The following GRIN2A variants were observed in gnomAD, a reference collection of about 807,000 sequenced individuals.
The protein encoded by GRIN2A is glutamate receptor ionotropic, NMDA 2A.
GRIN2A carries 22 observed loss-of-function variants against 113.4 expected under a neutral mutation model. The ratio of observed to expected loss-of-function variants is 0.19; its 90% confidence interval spans 0.14 to 0.28. The LOEUF (loss-of-function observed/expected upper bound fraction) is 0.28. GRIN2A is among the 10% of genes least tolerant of loss of function. The pLI, the probability that GRIN2A is intolerant of heterozygous loss-of-function variation, is 1.00. For synonymous variants in GRIN2A, 827 were observed against 738.4 expected, an observed-to-expected ratio of 1.12 and a Z score of -1.94; for missense variants, 1,502 against 1,887.0, an observed-to-expected ratio of 0.80 and a Z score of 3.78.
intron 2 of GRIN2A, among the ~76,000 whole-genome samples, chr16:10,167,295 C>G (rs1345009239): frequency 6.6e-6 from 1 of 152,208 alleles, no homozygotes; most frequent in Admixed American, 6.5e-5. Context: ...CAACTCCCCC[C>G]AAAATCACCC....
At chr16:10,015,760 C>T (rs921869207) in intron 2 of GRIN2A, among the ~76,000 whole-genome samples, 2 of 152,142 alleles carry the variant, frequency 1.3e-5, no homozygotes, top group Non-Finnish European at 2.9e-5. Flanking sequence ...CAGGGAGGTG[C>T]AACAACTCAG....
chr16:9,839,463 T>C (rs1305328764), intron 7 of GRIN2A, among the ~76,000 whole-genome samples: 3 of 152,206 alleles, frequency 2.0e-5, no homozygotes, highest in African/African-American at 7.2e-5. Flanking sequence ...ACAAACTATT[T>C]GGCTTAATGG....
chr16:9,975,619 G>A (rs1442555817), intron 2 of GRIN2A, among the ~76,000 whole-genome samples: 1 of 152,168 alleles, frequency 6.6e-6, no homozygotes, highest in Non-Finnish European at 1.5e-5. Flanking sequence ...AGGGAGAAGA[G>A]AGACATGAAA....
intron 2 of GRIN2A, among the ~76,000 whole-genome samples, chr16:9,969,482 A>G (rs16966757): frequency 0.26 from 39,195 of 151,994 alleles, 5,401 homozygotes; most frequent in African/African-American, 0.35. Context: ...ATATATGCCA[A>G]TGCCTTCCAA....
intron 11 of GRIN2A, among the ~76,000 whole-genome samples, chr16:9,782,374 T>C (rs558447586): frequency 6.6e-6 from 1 of 152,346 alleles, no homozygotes. Context: ...CCACAGATTT[T>C]GGTGTCTGTA....
chr16:10,105,857 AG>A (rs1387775842), intron 2 of GRIN2A, among the ~76,000 whole-genome samples: 2 of 152,234 alleles, frequency 1.3e-5, no homozygotes, highest in Non-Finnish European at 2.9e-5. Context: ...CAGACAGCTA[AG>A]ATCGTGCCAC....
At chr16:10,088,064 C>G (rs1296991240) in intron 2 of GRIN2A, among the ~76,000 whole-genome samples, 1 of 152,126 alleles carries the variant, frequency 6.6e-6, no homozygotes, top group East Asian at 1.9e-4. Context: ...GGTTCTCACC[C>G]TTTTGGAGAC....
rs946868595 is a variant in GRIN2A at position 9,840,831 on chromosome 16, AAAGAGAG to A, written c.1498-38_1498-32del. On this transcript the variant is annotated intron_variant, in intron 6 of 12. Transcript: ENST00000330684. Reference sequence around the variant, plus strand: ...TGCAAGGCAAAAAAAAAAAAAAAAAAAAGAGAGAGAGAGAACAACAGTACTTTACTTT... The same window carrying A: ...TGCAAGGCAAAAAAAAAAAAAAAAAAAGAGAGAACAACAGTACTTTACTTT... 1.4e-5 allele frequency: 17 copies of A among 1,217,952 alleles called. No individual in the cohort carries two copies. In the African/African-American group the frequency reaches 3.1e-4, roughly 22 times the overall value. The allele number at this position is 1,217,952 out of a possible 1,614,324, so 75.4% of individuals were successfully genotyped here.
chr16:10,131,784 C>A (rs1252430226), intron 2 of GRIN2A, among the ~76,000 whole-genome samples: 1 of 152,130 alleles, frequency 6.6e-6, no homozygotes. Flanking sequence ...TGCCCCTGAC[C>A]CACCATGGAT....
chr16:10,111,921 G>T (rs183697651), intron 2 of GRIN2A: 3 of 793,674 alleles, frequency 3.8e-6, no homozygotes, highest in Non-Finnish European at 4.4e-6. Flanking sequence ...AGGTGATGAC[G>T]CCAAGGATCA....
At position 10,051,426 on chromosome 16, in the gene GRIN2A, C is replaced by T. The variant is rs1035068285; in HGVS notation, c.415-112875G>A. Among the ~76,000 whole-genome samples the T allele has an allele frequency of 1.5e-4, 23 of 152,248 alleles. No homozygotes were observed. The East Asian group carries it at 2.9e-3, about 19-fold the overall frequency. On this transcript the variant is annotated intron_variant, in intron 2 of 12. Coordinates refer to ENST00000330684, the MANE Select transcript of GRIN2A (RefSeq NM_001134407.3). ...AAAACTCCATGGGTGCAGGGCATTGCCTTTTCACAGGAGTATCCCCAGAGC... is the reference window on the plus strand; with the variant it reads ...AAAACTCCATGGGTGCAGGGCATTGTCTTTTCACAGGAGTATCCCCAGAGC...
chr16:10,055,093 GAAAGAAAGAAAGAAAAAAGA>G (rs2047431992), intron 2 of GRIN2A, among the ~76,000 whole-genome samples: 7 of 46,334 alleles, frequency 1.5e-4, no homozygotes, highest in Admixed American at 5.5e-4. Flanking sequence ...AAAGAAAAAA[GAAAGAAAGAAAGAAAAAAGA>G]AAAAAAAAAC....
intron 4 of GRIN2A, among the ~76,000 whole-genome samples, chr16:9,865,894 A>G (rs2043153005): frequency 2.0e-5 from 3 of 152,234 alleles, no homozygotes; most frequent in Non-Finnish European, 2.9e-5. Context: ...ATAAAATTAT[A>G]TAAGATTTGA....
chr16:9,964,200 C>T (rs963142493), intron 2 of GRIN2A, among the ~76,000 whole-genome samples: 19 of 152,144 alleles, frequency 1.2e-4, no homozygotes, highest in African/African-American at 4.6e-4. Flanking sequence ...TGAAGGGAAT[C>T]GTCAAATATC....
rs969949433 is a variant in GRIN2A, at chr16:9,759,953, G to A, written c.*3196C>T. ...AGTATTTTAAATTGGTTGCATGTGC[G>A]TGCTATTACCCATGGACAGAGACCC... On this transcript the variant is annotated 3_prime_UTR_variant, in exon 13 of 13. Transcript: ENST00000330684. 3.5e-5 allele frequency: 8 copies of A among 231,044 alleles called. No homozygotes were observed. Among genetic ancestry groups the A allele is most frequent in the Admixed American group, 1.7e-4 (3 of 17,720 alleles). The allele number at this position is 231,044 out of a possible 1,614,324, so 14.3% of individuals were successfully genotyped here.
chr16:10,062,795 G>T (rs2047570754), intron 2 of GRIN2A, among the ~76,000 whole-genome samples: 1 of 152,032 alleles, frequency 6.6e-6, no homozygotes, highest in Non-Finnish European at 1.5e-5. Flanking sequence ...AACCTGGGAG[G>T]CAGAGGTTGC....
intron 5 of GRIN2A, among the ~76,000 whole-genome samples, chr16:9,843,929 T>C (rs2042727110): frequency 6.6e-6 from 1 of 152,216 alleles, no homozygotes; most frequent in Non-Finnish European, 1.5e-5. Context: ...TGATGGAATG[T>C]CCAGATACCA....
intron 3 of GRIN2A, among the ~76,000 whole-genome samples, chr16:9,931,318 G>T (rs1346968201): frequency 5.3e-5 from 8 of 152,072 alleles, no homozygotes; most frequent in Non-Finnish European, 8.8e-5. Context: ...TAATGATGAT[G>T]ATGACCACAA....
chr16:9,838,095 G>A (rs1714828045), intron 7 of GRIN2A, among the ~76,000 whole-genome samples: 1 of 152,186 alleles, frequency 6.6e-6, no homozygotes, highest in Non-Finnish European at 1.5e-5. Flanking sequence ...TGAAGACAGT[G>A]GAAGAATAAG....
Sources: gnomAD v4.1 joint callset for allele counts (sites outside exome capture counted in the v4.1 genomes callset) on GRCh38, gnomAD v4.1.1 for gene constraint, MANE v1.5 for transcripts, NCBI Gene and HGNC (gene_info 2026-07-23, HGNC 2026-07-21) for gene names.